The following AHCYL2 variants were observed in gnomAD, a reference collection of about 807,000 sequenced individuals.
AHCYL2 encodes the protein adenosylhomocysteinase like 2, also known as S-adenosylhomocysteine hydrolase-like protein 2.
Under a neutral mutation model 81.4 loss-of-function variants are expected in AHCYL2, and 28 were observed. That is an observed-to-expected ratio of 0.34 (90% CI 0.25 to 0.47). The LOEUF (loss-of-function observed/expected upper bound fraction) is 0.47, where lower values mean the gene tolerates loss of function less well. AHCYL2 is among the 20% of genes least tolerant of loss of function. AHCYL2 has a pLI of 1.00. For missense variants in AHCYL2, 551 were observed against 785.1 expected (o/e 0.70, Z 3.56); for synonymous variants, 272 against 290.2 (o/e 0.94, Z 0.64).
intron 4 of AHCYL2, among the ~76,000 whole-genome samples, chr7:129,395,004 T>G (rs942048480): frequency 5.4e-4 from 79 of 147,042 alleles, no homozygotes; most frequent in African/African-American, 1.8e-3. Context: ...TGACAGTGGG[T>G]TTTTTTTTTT....
At chr7:129,297,211 T>C (rs1797079140) in intron 1 of AHCYL2, among the ~76,000 whole-genome samples, 2 of 152,180 alleles carry the variant, frequency 1.3e-5, no homozygotes, top group African/African-American at 4.8e-5. Flanking sequence ...CACTGTTTAT[T>C]CCAATTACAA....
At chr7:129,297,130 A>G (rs1797076789) in intron 1 of AHCYL2, among the ~76,000 whole-genome samples, 1 of 152,196 alleles carries the variant, frequency 6.6e-6, no homozygotes. Flanking sequence ...AAGTAGGGTG[A>G]TTGGGGATGT....
intron 1 of AHCYL2, among the ~76,000 whole-genome samples, chr7:129,230,547 C>G (rs113179124): frequency 6.6e-6 from 1 of 150,724 alleles, no homozygotes. Context: ...GTACTCTGTT[C>G]GAAACTCAGG....
chr7:129,422,890 T>G lies in AHCYL2; in HGVS notation c.1512T>G (p.Val504=). 1.2e-6 allele frequency: 2 copies of G among 1,614,122 alleles called. No homozygotes were observed. Among genetic ancestry groups the G allele is most frequent in the Non-Finnish European group, 1.7e-6 (2 of 1,180,022 alleles). Residue 504 remains valine (V), a synonymous_variant, in exon 13 of 17, where the codon GTT becomes GTG. Coordinates refer to ENST00000325006, the MANE Select transcript of AHCYL2 (RefSeq NM_015328.4). ...ELTWERVRSQ[V]DHVIWPDGKR... ...CCTGGGAGCGAGTGAGATCTCAAGT[T>G]GACCATGTGATATGGCCTGATGGCA...
intron 1 of AHCYL2, among the ~76,000 whole-genome samples, chr7:129,378,309 T>TAAA (rs34119954): frequency 6.8e-6 from 1 of 146,414 alleles, no homozygotes; most frequent in Non-Finnish European, 1.5e-5. Context: ...AGACTCCATC[T>TAAA]AAAAAAAAAA....
At chr7:129,249,661 A>G (rs1795184107) in intron 1 of AHCYL2, among the ~76,000 whole-genome samples, 1 of 150,806 alleles carries the variant, frequency 6.6e-6, no homozygotes. Flanking sequence ...TCCTGACCTC[A>G]TGATCCACCC....
chr7:129,350,169 T>A (rs1793506466), intron 1 of AHCYL2, among the ~76,000 whole-genome samples: 1 of 152,138 alleles, frequency 6.6e-6, no homozygotes, highest in Non-Finnish European at 1.5e-5. Context: ...GCATTTCAGA[T>A]AAAGCATGCA....
chr7:129,371,533 T>C (rs561373953), intron 1 of AHCYL2, among the ~76,000 whole-genome samples: 4 of 152,230 alleles, frequency 2.6e-5, no homozygotes, highest in Non-Finnish European at 4.4e-5. Flanking sequence ...CTCAGCTGTT[T>C]TCATGTGAAG....
intron 1 of AHCYL2, among the ~76,000 whole-genome samples, chr7:129,296,028 C>G (rs966973154): frequency 1.3e-5 from 2 of 152,190 alleles, no homozygotes; most frequent in African/African-American, 4.8e-5. Context: ...ATCTTGGAAT[C>G]TTAGTACTGT....
chr7:129,245,438 T>C (rs562699247), intron 1 of AHCYL2, among the ~76,000 whole-genome samples: 1 of 152,332 alleles, frequency 6.6e-6, no homozygotes, highest in South Asian at 2.1e-4. Flanking sequence ...CAACCATCAC[T>C]ACTACTCATC....
At position 129,225,073 on chromosome 7, in the gene AHCYL2, G is replaced by C. The variant is rs774418196; in HGVS notation, c.-4G>C. The C allele has an allele frequency of 3.8e-6, 6 of 1,587,454 alleles. No homozygotes were observed. The South Asian group carries it at 6.9e-5, about 18-fold the overall frequency. On this transcript the variant is annotated 5_prime_UTR_variant, in exon 1 of 17. Transcript: ENST00000325006. ...CTGAGCCGGTGGTTGCAGCGGAGGCGGTGATGTCGGTGCAGGTTGTGTCAG... is the reference window on the plus strand; with the variant it reads ...CTGAGCCGGTGGTTGCAGCGGAGGCCGTGATGTCGGTGCAGGTTGTGTCAG...
intron 1 of AHCYL2, among the ~76,000 whole-genome samples, chr7:129,316,673 A>C (rs921314418): frequency 1.3e-5 from 2 of 152,230 alleles, no homozygotes; most frequent in African/African-American, 4.8e-5. Context: ...AACACAGTAC[A>C]TAGTTCTTGA....
chr7:129,316,942 A>T (rs984159231), intron 1 of AHCYL2, among the ~76,000 whole-genome samples: 26 of 152,206 alleles, frequency 1.7e-4, no homozygotes, highest in Admixed American at 6.5e-5. Context: ...AGAAGCCTTG[A>T]GCTGATAACA....
At chr7:129,379,792 A>C in intron 2 of AHCYL2, 43 bp downstream of exon 2, 1 of 1,509,046 alleles carries the variant, frequency 6.6e-7, no homozygotes, top group South Asian at 1.2e-5. Context: ...GAGGCTAATA[A>C]GTACGATCTC....
intron 1 of AHCYL2, among the ~76,000 whole-genome samples, chr7:129,347,552 A>G (rs1454679318): frequency 1.3e-5 from 2 of 152,194 alleles, no homozygotes; most frequent in African/African-American, 2.4e-5. Flanking sequence ...CCTCAGCTGT[A>G]TAGGTATTTA....
intron 2 of AHCYL2, among the ~76,000 whole-genome samples, chr7:129,383,736 C>T (rs1795073566): frequency 6.6e-6 from 1 of 152,122 alleles, no homozygotes; most frequent in Non-Finnish European, 1.5e-5. Flanking sequence ...TTACTAGCCT[C>T]CTACTGTTAT....
At chr7:129,293,386 G>A (rs138751671) in intron 1 of AHCYL2, among the ~76,000 whole-genome samples, 23 of 152,232 alleles carry the variant, frequency 1.5e-4, no homozygotes, top group Admixed American at 9.8e-4. Context: ...CCTTGAAAAT[G>A]TTCTAGTAGA....
intron 12 of AHCYL2, among the ~76,000 whole-genome samples, chr7:129,416,603 GC>G (rs1796863775): frequency 1.3e-5 from 2 of 152,000 alleles, no homozygotes; most frequent in Non-Finnish European, 2.9e-5. Flanking sequence ...TTCAAGACCA[GC>G]CTGGCTAACA....
chr7:129,234,260 C>T (rs1794556420), intron 1 of AHCYL2, among the ~76,000 whole-genome samples: 1 of 151,286 alleles, frequency 6.6e-6, no homozygotes, highest in Admixed American at 6.6e-5. Context: ...TCTTTTTTCC[C>T]CCTAGATGGA....
Sources: allele counts gnomAD v4.1 joint callset (sites outside exome capture counted in the v4.1 genomes callset), GRCh38; gene constraint gnomAD v4.1.1; transcripts MANE v1.5; gene names NCBI Gene and HGNC (gene_info 2026-07-23, HGNC 2026-07-21).